The following GUCY1A2 variants were observed in gnomAD, a reference collection of about 807,000 sequenced individuals.
GUCY1A2 encodes the protein guanylate cyclase 1 soluble subunit alpha 2, also known as guanylate cyclase soluble subunit alpha-2.
A neutral mutation model predicts 63.5 loss-of-function variants in GUCY1A2; 27 were observed. The ratio of observed to expected loss-of-function variants is 0.43; its 90% CI spans 0.31 to 0.59. GUCY1A2 has a LOEUF of 0.59. Among genes scored for constraint, GUCY1A2 ranks in the 20% least tolerant of loss-of-function variants. GUCY1A2 has a pLI of 0.11. For missense variants in GUCY1A2, 768 were observed against 913.3 expected (o/e 0.84, Z 2.05); for synonymous variants, 364 against 343.5 (o/e 1.06, Z -0.66).
chr11:106,777,350 G>A (rs1381647784), intron 5 of GUCY1A2, among the ~76,000 whole-genome samples: 1 of 151,624 alleles, frequency 6.6e-6, no homozygotes, highest in Non-Finnish European at 1.5e-5. Flanking sequence ...GGGAGGCTGA[G>A]GCAGGAGAAT....
chr11:106,941,007 T>C (rs190264860), intron 3 of GUCY1A2, among the ~76,000 whole-genome samples: 2 of 152,278 alleles, frequency 1.3e-5, no homozygotes, highest in Non-Finnish European at 2.9e-5. Flanking sequence ...TCAAGCTATC[T>C]GGTGGAAACA....
chr11:106,781,167 T>G (rs1864456754), intron 5 of GUCY1A2, among the ~76,000 whole-genome samples: 1 of 150,724 alleles, frequency 6.6e-6, no homozygotes, highest in Non-Finnish European at 1.5e-5. Flanking sequence ...TTGTTCTGAA[T>G]TCCTTTATAA....
rs141700059 is a variant in GUCY1A2 at position 106,768,698 on chromosome 11, G to A, written c.1836+7741C>T. Among the ~76,000 whole-genome samples the A allele has an allele frequency of 1.2e-4, 19 of 152,144 alleles. No individual in the cohort carries two copies. In the East Asian group the frequency reaches 2.9e-3, roughly 23 times the overall value. On this transcript the variant is annotated intron_variant, in intron 6 of 7. Coordinates refer to ENST00000526355, the MANE Select transcript of GUCY1A2 (RefSeq NM_000855.3). ...TATGCTGGTCAGCTAACAAAGTAACGAAAAATTATTGTACCAAGATATGGC... is the reference window on the plus strand; with the variant it reads ...TATGCTGGTCAGCTAACAAAGTAACAAAAAATTATTGTACCAAGATATGGC...
chr11:106,710,808 T>G (rs1335787341), intron 6 of GUCY1A2, among the ~76,000 whole-genome samples: 1 of 151,944 alleles, frequency 6.6e-6, no homozygotes, highest in Admixed American at 6.6e-5. Context: ...ATGTAGAGTG[T>G]TCCTTGGAGG....
At chr11:106,892,830 A>T (rs1252717281) in intron 4 of GUCY1A2, among the ~76,000 whole-genome samples, 2 of 152,180 alleles carry the variant, frequency 1.3e-5, no homozygotes, top group African/African-American at 4.8e-5. Flanking sequence ...TGTATTCAGC[A>T]AACTTGGTTA....
intron 6 of GUCY1A2, among the ~76,000 whole-genome samples, chr11:106,717,791 A>C (rs934973394): frequency 1.3e-5 from 2 of 152,212 alleles, no homozygotes; most frequent in African/African-American, 4.8e-5. Flanking sequence ...ATGTATCATA[A>C]AGTTTTATTA....
At chr11:106,992,116 A>C (rs1387955680) in intron 1 of GUCY1A2, among the ~76,000 whole-genome samples, 3 of 152,148 alleles carry the variant, frequency 2.0e-5, no homozygotes, top group African/African-American at 7.2e-5. Flanking sequence ...TTTACTGCAC[A>C]CAATATTTAA....
intron 5 of GUCY1A2, among the ~76,000 whole-genome samples, chr11:106,778,405 T>G (rs1341254218): frequency 6.6e-6 from 1 of 152,186 alleles, no homozygotes; most frequent in African/African-American, 2.4e-5. Flanking sequence ...TCAATACATA[T>G]CCCTGGCTAC....
chr11:106,846,841 T>C (rs1429591306), intron 4 of GUCY1A2, among the ~76,000 whole-genome samples: 1 of 151,464 alleles, frequency 6.6e-6, no homozygotes, highest in Non-Finnish European at 1.5e-5. Context: ...GAGAATTCAA[T>C]AGTAAGGTAG....
chr11:106,698,211 C>T (rs1444512098), intron 7 of GUCY1A2, among the ~76,000 whole-genome samples: 1 of 147,088 alleles, frequency 6.8e-6, no homozygotes, highest in African/African-American at 2.6e-5. Context: ...CCTCCATCTC[C>T]TAGGCTTAAG....
intron 7 of GUCY1A2, among the ~76,000 whole-genome samples, chr11:106,688,266 C>G (rs1055962407): frequency 2.0e-5 from 3 of 152,148 alleles, no homozygotes; most frequent in African/African-American, 7.2e-5. Flanking sequence ...TCGTGACTCC[C>G]AATGTCTCTG....
chr11:106,773,784 T>C (rs1211330213), intron 6 of GUCY1A2, among the ~76,000 whole-genome samples: 1 of 152,230 alleles, frequency 6.6e-6, no homozygotes, highest in Non-Finnish European at 1.5e-5. Context: ...TACTTATTGA[T>C]TACATGTGTC....
At position 106,685,288 on chromosome 11, in the gene GUCY1A2, G is replaced by T. The variant is rs1439679107; in HGVS notation, c.*2261C>A. On this transcript the variant is annotated 3_prime_UTR_variant, in exon 8 of 8. Coordinates refer to ENST00000526355, the MANE Select transcript of GUCY1A2 (RefSeq NM_000855.3). ...ATTTGTGATTCTTCTGATAAATTGA[G>T]ATATATAAATACAATACTTCTCTCC... 1.5e-5 allele frequency: 3 copies of T among 205,954 alleles called. No homozygotes were observed. The highest frequency in any genetic ancestry group is 1.9e-4 in the South Asian group (1 of 5,296). 12.8% of individuals were successfully genotyped at this position (205,954 alleles called of 1,614,324 possible). A position where few individuals can be genotyped will look rare whatever the true frequency, so the allele number is the denominator to read the frequency against.
rs920237454 is a variant in GUCY1A2 at position 106,683,335 on chromosome 11, G to T, written c.*4214C>A. 1.3e-5 allele frequency: 3 copies of T among 222,244 alleles called. No homozygotes were observed. The highest frequency in any genetic ancestry group is 6.5e-5 in the East Asian group (1 of 15,404). The allele number at this position is 222,244 out of a possible 1,614,324, so 13.8% of individuals were successfully genotyped here. A position where few individuals can be genotyped will look rare whatever the true frequency, so the allele number is the denominator to read the frequency against. ...TTCTAGATATTGTCAGCTGAAAGAC[G>T]CCTGGTGCTACCCAAAGCCTATTCA... is the stretch of plus-strand genomic sequence containing the variant. On this transcript the variant is annotated 3_prime_UTR_variant, in exon 8 of 8. Transcript: ENST00000526355.
chr11:107,015,166 A>G (rs912248604), intron 1 of GUCY1A2, among the ~76,000 whole-genome samples: 1 of 152,184 alleles, frequency 6.6e-6, no homozygotes, highest in Non-Finnish European at 1.5e-5. Context: ...ATTTTTCTAT[A>G]CATGTGTTAT....
At chr11:107,001,009 A>G (rs1005984405) in intron 1 of GUCY1A2, among the ~76,000 whole-genome samples, 7 of 152,228 alleles carry the variant, frequency 4.6e-5, no homozygotes, top group Non-Finnish European at 8.8e-5. Context: ...CTGAATTAAG[A>G]TAATAAGCTT....
Position 106,676,073 on chromosome 11 carries a change from T to C in GUCY1A2, c.*11476A>G, listed in dbSNP as rs943989037. On this transcript the variant is annotated 3_prime_UTR_variant, in exon 8 of 8. Transcript: ENST00000526355. ...TGTATAATTTTCTATTAACACAAACTTATGTCATGAAGATAATTAAGTGGT... is the reference window on the plus strand; with the variant it reads ...TGTATAATTTTCTATTAACACAAACCTATGTCATGAAGATAATTAAGTGGT... The C allele has an allele frequency of 5.4e-6, 1 of 183,610 alleles. No individual in the cohort carries two copies. Among genetic ancestry groups the C allele is most frequent in the Non-Finnish European group, 1.2e-5 (1 of 86,346 alleles). The allele number at this position is 183,610 out of a possible 1,614,324, so 11.4% of individuals were successfully genotyped here.
At chr11:106,700,462 T>C (rs1862800024) in intron 7 of GUCY1A2, among the ~76,000 whole-genome samples, 1 of 152,210 alleles carries the variant, frequency 6.6e-6, no homozygotes, top group African/African-American at 2.4e-5. Flanking sequence ...AAAGAAGTAT[T>C]GAAATGAGTA....
intron 7 of GUCY1A2, among the ~76,000 whole-genome samples, chr11:106,695,209 G>T (rs1347986813): frequency 2.6e-5 from 4 of 152,084 alleles, no homozygotes; most frequent in Non-Finnish European, 5.9e-5. Flanking sequence ...ATGTGTATAT[G>T]TCATTTTGTT....
Sources: allele counts gnomAD v4.1 joint callset (sites outside exome capture counted in the v4.1 genomes callset), GRCh38; gene constraint gnomAD v4.1.1; transcripts MANE v1.5; gene names NCBI Gene and HGNC (gene_info 2026-07-23, HGNC 2026-07-21).